The following SUPT3H variants were observed in gnomAD, a reference collection of about 807,000 sequenced individuals.
The protein encoded by SUPT3H is SPT3 homolog, SAGA and STAGA complex component, also known as transcription initiation protein SPT3 homolog.
In SUPT3H, 44 loss-of-function variants were observed where a neutral mutation model predicts 44.3. That is an observed-to-expected ratio of 0.99 (90% confidence interval 0.78 to 1.28). SUPT3H has a LOEUF of 1.28. Among genes scored for constraint, SUPT3H ranks in the 50% most tolerant of loss-of-function variants. SUPT3H has a pLI of 0.00. For synonymous variants in SUPT3H, 124 were observed against 125.6 expected (o/e 0.99, Z 0.09); for missense variants, 380 against 387.1 (o/e 0.98, Z 0.15).
At chr6:44,922,150 A>G (rs949037682) in intron 10 of SUPT3H, among the ~76,000 whole-genome samples, 1 of 143,904 alleles carries the variant, frequency 6.9e-6, no homozygotes, top group Admixed American at 6.8e-5. Context: ...ATGCAGAGGC[A>G]GTATGTGGGG....
At chr6:44,936,670 T>C (rs1186833517) in intron 9 of SUPT3H, among the ~76,000 whole-genome samples, 1 of 152,142 alleles carries the variant, frequency 6.6e-6, no homozygotes, top group Non-Finnish European at 1.5e-5. Flanking sequence ...ATTATTTCGT[T>C]CCTTATTTCT....
At chr6:44,963,581 T>C (rs1292508064) in intron 6 of SUPT3H, among the ~76,000 whole-genome samples, 1 of 152,246 alleles carries the variant, frequency 6.6e-6, no homozygotes, top group African/African-American at 2.4e-5. Flanking sequence ...TATTTTTTGA[T>C]ATTTAAATGC....
At chr6:45,331,144 T>C (rs1787424250) in intron 2 of SUPT3H, among the ~76,000 whole-genome samples, 1 of 151,360 alleles carries the variant, frequency 6.6e-6, no homozygotes, top group Non-Finnish European at 1.5e-5. Flanking sequence ...CGCGCGCACA[T>C]GCTAGAGAAA....
intron 1 of SUPT3H, chr6:45,372,063 A>T: frequency 1.0e-6 from 1 of 957,324 alleles, no homozygotes; most frequent in African/African-American, 1.8e-5. Flanking sequence ...AAAGGCCTCC[A>T]CAATGTGTAT....
chr6:45,062,326 C>T (rs1792241595), intron 3 of SUPT3H, among the ~76,000 whole-genome samples: 1 of 152,046 alleles, frequency 6.6e-6, no homozygotes, highest in South Asian at 2.1e-4. Flanking sequence ...GTTTTCAAGG[C>T]ATAAATCCAG....
At chr6:45,081,353 T>C (rs1795787969) in intron 3 of SUPT3H, among the ~76,000 whole-genome samples, 1 of 152,092 alleles carries the variant, frequency 6.6e-6, no homozygotes, top group African/African-American at 2.4e-5. Context: ...CTTCACATTA[T>C]TTAATTCTTT....
At chr6:45,337,205 G>A (rs1464890382) in intron 2 of SUPT3H, among the ~76,000 whole-genome samples, 1 of 151,514 alleles carries the variant, frequency 6.6e-6, no homozygotes, top group Non-Finnish European at 1.5e-5. Flanking sequence ...TTTCTAAACT[G>A]GCAAGACTAA....
At chr6:44,968,959 T>C (rs1777167918) in intron 6 of SUPT3H, among the ~76,000 whole-genome samples, 1 of 152,176 alleles carries the variant, frequency 6.6e-6, no homozygotes, top group Non-Finnish European at 1.5e-5. Context: ...ATGTGCCATG[T>C]ACTGCTGCCA....
At chr6:45,178,187 G>C (rs1418220772) in intron 2 of SUPT3H, among the ~76,000 whole-genome samples, 1 of 152,132 alleles carries the variant, frequency 6.6e-6, no homozygotes, top group Non-Finnish European at 1.5e-5. Context: ...CTCATGTGCA[G>C]AGACACACAT....
At chr6:44,999,472 A>G (rs1033117886) in intron 6 of SUPT3H, among the ~76,000 whole-genome samples, 12 of 152,014 alleles carry the variant, frequency 7.9e-5, no homozygotes, top group African/African-American at 2.9e-4. Context: ...ATGTACAGCC[A>G]TTACATATAA....
chr6:44,934,597 T>C (rs560024146), intron 9 of SUPT3H, among the ~76,000 whole-genome samples: 40 of 152,320 alleles, frequency 2.6e-4, no homozygotes, highest in Middle Eastern at 3.4e-3. Flanking sequence ...CCTCTGGGAA[T>C]TGATTTATCC....
At chr6:45,358,348 T>C (rs1382300209) in intron 2 of SUPT3H, among the ~76,000 whole-genome samples, 1 of 152,162 alleles carries the variant, frequency 6.6e-6, no homozygotes, top group Non-Finnish European at 1.5e-5. Flanking sequence ...ATATACTCAA[T>C]AGGTACACAT....
At chr6:45,174,777 T>G (rs1039381327) in intron 2 of SUPT3H, among the ~76,000 whole-genome samples, 20 of 152,046 alleles carry the variant, frequency 1.3e-4, no homozygotes, top group African/African-American at 4.8e-4. Context: ...TATACAGAAA[T>G]TCTGTTAGAC....
At chr6:45,200,663 G>C (rs1454737155) in intron 2 of SUPT3H, among the ~76,000 whole-genome samples, 2 of 151,440 alleles carry the variant, frequency 1.3e-5, no homozygotes, top group Non-Finnish European at 1.5e-5. Context: ...GGGTTAAGCA[G>C]CTTACCAGAA....
At chr6:45,281,159 G>A (rs1034953113) in intron 2 of SUPT3H, among the ~76,000 whole-genome samples, 4 of 152,216 alleles carry the variant, frequency 2.6e-5, no homozygotes, top group African/African-American at 9.6e-5. Context: ...ACAGCTCCCA[G>A]CATGAGCAAT....
intron 11 of SUPT3H, among the ~76,000 whole-genome samples, chr6:44,817,242 A>C (rs1344971450): frequency 1.3e-5 from 2 of 152,140 alleles, no homozygotes; most frequent in Non-Finnish European, 2.9e-5. Flanking sequence ...GAAAAAAAAA[A>C]AAAACTCATT....
intron 10 of SUPT3H, among the ~76,000 whole-genome samples, chr6:44,906,269 T>C (rs889180557): frequency 2.6e-5 from 4 of 152,172 alleles, no homozygotes; most frequent in African/African-American, 9.7e-5. Context: ...GATTAGATAG[T>C]AGTATTTAAT....
At chr6:45,059,554 C>T (rs1791650419) in intron 3 of SUPT3H, among the ~76,000 whole-genome samples, 1 of 152,102 alleles carries the variant, frequency 6.6e-6, no homozygotes, top group Non-Finnish European at 1.5e-5. Context: ...TCTAATCACT[C>T]CTATTCAACA....
At position 44,866,128 on chromosome 6, in the gene SUPT3H, A is replaced by T. The variant is rs72664276; in HGVS notation, c.913-36271T>A. ...CGACTTTTTTTTTTTTTTTTTTTTT[A>T]AGCAAAGTAGATTGCCTGTCTAAGA... On this transcript the variant is annotated intron_variant, in intron 10 of 10. Coordinates refer to ENST00000371459, the MANE Select transcript of SUPT3H (RefSeq NM_003599.4). Among the ~76,000 whole-genome samples the T allele has an allele frequency of 3.3e-3, 345 of 105,792 alleles. 14 individuals are homozygous for T. Among genetic ancestry groups the T allele is most frequent in the Middle Eastern group, 0.022 (4 of 182 alleles). 69.4% of individuals were successfully genotyped at this position (105,792 alleles called of 152,430 possible). A position where few individuals can be genotyped will look rare whatever the true frequency, so the allele number is the denominator to read the frequency against.
Sources: allele counts gnomAD v4.1 joint callset (sites outside exome capture counted in the v4.1 genomes callset), GRCh38; gene constraint gnomAD v4.1.1; transcripts MANE v1.5; gene names NCBI Gene and HGNC (gene_info 2026-07-23, HGNC 2026-07-21).